Variants in MYO6 observed in about 807,000 individuals in gnomAD.
The protein encoded by MYO6 is myosin VI, also known as unconventional myosin-VI.
Under a neutral mutation model 178.7 loss-of-function variants are expected in MYO6, and 74 were observed. The ratio of observed to expected loss-of-function variants is 0.41; its 90% confidence interval spans 0.34 to 0.50. The LOEUF (loss-of-function observed/expected upper bound fraction) is 0.50. Ranked by LOEUF, MYO6 falls within the 20% of genes least tolerant of loss-of-function variation. MYO6 has a pLI of 0.09. For missense variants in MYO6, 1,330 were observed against 1,547.4 expected (o/e 0.86, Z 2.36); for synonymous variants, 477 against 504.6 (o/e 0.95, Z 0.73).
chr6:75,811,779 G>T (rs533387393), intron 1 of MYO6, among the ~76,000 whole-genome samples: 2 of 152,218 alleles, frequency 1.3e-5, no homozygotes, highest in Non-Finnish European at 2.9e-5. Flanking sequence ...TCAAACAAGG[G>T]ATATAGTGGG....
chr6:75,817,708 A>T, intron 2 of MYO6, 44 bp downstream of exon 2: 2 of 1,557,984 alleles, frequency 1.3e-6, no homozygotes, highest in Non-Finnish European at 1.8e-6. Flanking sequence ...TCTTTCAAAA[A>T]TAGGTGTTTT....
In MYO6 at chr6:75,784,708, C is replaced by T. The variant is rs1279361156; in HGVS notation, c.-47-32793C>T. On this transcript the variant is annotated intron_variant, in intron 1 of 34. Coordinates refer to ENST00000369977, the MANE Select transcript of MYO6 (RefSeq NM_004999.4). Reference sequence around the variant, plus strand: ...AGGAGAATGGCGTGAACCCGGGAGGCGGAGCTTGCAGCGAGCCGAGGTCGC... The same window carrying T: ...AGGAGAATGGCGTGAACCCGGGAGGTGGAGCTTGCAGCGAGCCGAGGTCGC... Among the ~76,000 whole-genome samples, 7 of 135,536 alleles carry T rather than the reference C, an allele frequency of 5.2e-5. No individual in the cohort carries two copies. In the East Asian group the frequency reaches 7.2e-4, roughly 14 times the overall value. The allele number at this position is 135,536 out of a possible 152,430, so 88.9% of individuals were successfully genotyped here. A position where few individuals can be genotyped will look rare whatever the true frequency, so the allele number is the denominator to read the frequency against.
chr6:75,839,448 A>G (rs1583238860), intron 7 of MYO6, among the ~76,000 whole-genome samples: 1 of 152,188 alleles, frequency 6.6e-6, no homozygotes, highest in East Asian at 1.9e-4. Flanking sequence ...TCGGCCTCCC[A>G]GAGTGCTGGG....
intron 18 of MYO6, among the ~76,000 whole-genome samples, chr6:75,868,981 T>G (rs1180180269): frequency 1.3e-5 from 2 of 152,004 alleles, no homozygotes; most frequent in African/African-American, 4.8e-5. Flanking sequence ...TTATGGTCCT[T>G]GGCTGTTCTT....
intron 19 of MYO6, among the ~76,000 whole-genome samples, chr6:75,871,315 T>G (rs1456740896): frequency 6.6e-6 from 1 of 152,192 alleles, no homozygotes; most frequent in Non-Finnish European, 1.5e-5. Context: ...AGTGGTGCAA[T>G]CACAACTCGC....
chr6:75,835,010 T>C (rs1360702732), intron 6 of MYO6, among the ~76,000 whole-genome samples: 1 of 152,206 alleles, frequency 6.6e-6, no homozygotes, highest in African/African-American at 2.4e-5. Context: ...AAATTAAGGA[T>C]TGCTCTTTAT....
chr6:75,907,793 T>C, intron 31 of MYO6, 85 bp downstream of exon 31: 2 of 923,042 alleles, frequency 2.2e-6, no homozygotes, highest in South Asian at 1.3e-5. Flanking sequence ...TGTGTGTGTG[T>C]ATGTGTGTGT....
At chr6:75,884,079 G>A (rs1376903235) in intron 23 of MYO6, among the ~76,000 whole-genome samples, 3 of 152,042 alleles carry the variant, frequency 2.0e-5, no homozygotes, top group African/African-American at 7.2e-5. Flanking sequence ...ATTATGATAG[G>A]AAACACATTA....
At chr6:75,879,718 T>C in intron 20 of MYO6, 102 bp from the exon 21 acceptor site, 2 of 1,506,680 alleles carry the variant, frequency 1.3e-6, no homozygotes, top group South Asian at 1.1e-5. Flanking sequence ...TTCTCATAAA[T>C]TGCCCGTTTC....
intron 23 of MYO6, among the ~76,000 whole-genome samples, chr6:75,882,706 T>G (rs1309859664): frequency 4.0e-5 from 5 of 126,472 alleles, no homozygotes; most frequent in African/African-American, 1.0e-4. Context: ...CTTTTCACAA[T>G]AAAATAGGCA....
intron 1 of MYO6, among the ~76,000 whole-genome samples, chr6:75,792,746 TG>T (rs1223061452): frequency 6.6e-6 from 1 of 152,184 alleles, no homozygotes; most frequent in Non-Finnish European, 1.5e-5. Context: ...TGTGTATATT[TG>T]AACATTTCTG....
chr6:75,866,447 C>A, intron 16 of MYO6, 79 bp from the exon 17 acceptor site: 1 of 1,149,130 alleles, frequency 8.7e-7, no homozygotes, highest in Non-Finnish European at 1.3e-6. Flanking sequence ...AAGTGTTTTA[C>A]ATCTCAGTTG....
intron 7 of MYO6, among the ~76,000 whole-genome samples, chr6:75,838,057 T>C (rs1437149258): frequency 2.7e-5 from 4 of 149,374 alleles, no homozygotes; most frequent in South Asian, 2.1e-4. Context: ...ATAGCTTCTT[T>C]TTTTTTTTTT....
chr6:75,812,660 G>GTT lies in MYO6; in HGVS notation c.-47-4832_-47-4831dup, dbSNP rs34395763. ...TATCTTCATGAGTTCAATTGTTTCAGTTTTTTTTTTAGCTCCCACAGATAC... is the reference window on the plus strand; with the variant it reads ...TATCTTCATGAGTTCAATTGTTTCAGTTTTTTTTTTTTAGCTCCCACAGATAC... On this transcript the variant is annotated intron_variant, in intron 1 of 34. Transcript: ENST00000369977. Among the ~76,000 whole-genome samples, 66 of 148,806 alleles carry GTT rather than the reference G, an allele frequency of 4.4e-4. 1 individual carries two copies. The highest frequency in any genetic ancestry group is 4.2e-3 in the East Asian group (21 of 5,060).
chr6:75,796,540 G>A (rs1224790096), intron 1 of MYO6, among the ~76,000 whole-genome samples: 2 of 152,042 alleles, frequency 1.3e-5, no homozygotes, highest in Non-Finnish European at 2.9e-5. Context: ...CACTCAGGTG[G>A]TGAGGACAGT....
intron 16 of MYO6, 102 bp downstream of exon 16, chr6:75,862,825 T>A (rs888874973): frequency 2.9e-6 from 4 of 1,361,148 alleles, no homozygotes; most frequent in Non-Finnish European, 4.2e-6. Flanking sequence ...ATAAAAATTA[T>A]GGCGTGTATA....
At position 75,776,663 on chromosome 6, in the gene MYO6, T is replaced by A. The variant is rs942006112; in HGVS notation, c.-48+27240T>A. On this transcript the variant is annotated intron_variant, in intron 1 of 34. Transcript: ENST00000369977. The stretch of plus-strand genomic sequence containing the variant: ...CTTGTAGAAACGTGCAGTGTGTGTG[T>A]GTGTGTGTGTGTGTGTGTGTATGTG... 5.9e-5 allele frequency among the ~76,000 whole-genome samples: 9 copies of A among 151,290 alleles called. 1 individual carries two copies. Among genetic ancestry groups the A allele is most frequent in the African/African-American group, 2.2e-4 (9 of 41,170 alleles).
chr6:75,826,441 T>C (rs1009858980), intron 3 of MYO6, among the ~76,000 whole-genome samples: 3 of 152,280 alleles, frequency 2.0e-5, no homozygotes, highest in South Asian at 2.1e-4. Context: ...TGTAGGCTTA[T>C]ATGATTAGCG....
chr6:75,814,917 C>G (rs1329503258), intron 1 of MYO6, among the ~76,000 whole-genome samples: 1 of 151,730 alleles, frequency 6.6e-6, no homozygotes, highest in East Asian at 1.9e-4. Flanking sequence ...CCTGCTTTTA[C>G]TCTTCCAAAA....
Sources: allele counts gnomAD v4.1 joint callset (sites outside exome capture counted in the v4.1 genomes callset), GRCh38; gene constraint gnomAD v4.1.1; transcripts MANE v1.5; gene names NCBI Gene and HGNC (gene_info 2026-07-23, HGNC 2026-07-21).